MYO5B: variants seen among roughly 807,000 people sequenced by gnomAD.
MYO5B encodes the protein unconventional myosin-Vb.
Under a neutral mutation model 229.3 loss-of-function variants are expected in MYO5B, and 143 were observed. The ratio of observed to expected loss-of-function variants is 0.62; its 90% CI spans 0.54 to 0.72. The LOEUF is 0.72. Ranked by LOEUF, MYO5B falls within the 30% of genes least tolerant of loss-of-function variation. The pLI, the probability that MYO5B is intolerant of heterozygous loss-of-function variation, is 0.00. For synonymous variants in MYO5B, 918 were observed against 885.2 expected, an observed-to-expected ratio of 1.04 and a Z score of -0.66; for missense variants, 2,321 against 2,331.0, an observed-to-expected ratio of 1.00 and a Z score of 0.09.
chr18:49,841,884 T>C, intron 34 of MYO5B, among the ~76,000 whole-genome samples: 1 of 152,174 alleles, frequency 6.6e-6, no homozygotes, highest in East Asian at 1.9e-4. Context: ...CAAAATAGTT[T>C]GGTGTCCCAT....
chr18:50,042,591 G>A (rs531855428), intron 2 of MYO5B, among the ~76,000 whole-genome samples: 9 of 152,304 alleles, frequency 5.9e-5, no homozygotes, highest in South Asian at 4.2e-4. Flanking sequence ...GGGAAATGGC[G>A]AATGTCCGAG....
chr18:50,078,687 A>G (rs1001170346), intron 1 of MYO5B, among the ~76,000 whole-genome samples: 1 of 152,218 alleles, frequency 6.6e-6, no homozygotes, highest in African/African-American at 2.4e-5. Flanking sequence ...AGTATCTGCT[A>G]AAGCTGAGCA....
In MYO5B at chr18:49,904,777, A is replaced by G; in HGVS notation, c.2466T>C (p.His822=). Residue 822 remains histidine, a synonymous_variant, in exon 20 of 40, where the codon CAT becomes CAC. Transcript: ENST00000285039. ...CCTGGCGGGCCCTCTGCATGCGGTA[A>G]TGTTTCTGGAGCACCACAGCCGCTC... The part of the protein sequence containing the change: ...RIRAAVVLQK[H]YRMQRARQAY... 6.2e-7 allele frequency: 1 copy of G among 1,613,988 alleles called. No homozygotes were observed. The highest frequency in any genetic ancestry group is 8.5e-7 in the Non-Finnish European group (1 of 1,180,028).
At chr18:49,973,602 G>C (rs1489330109) in intron 10 of MYO5B, among the ~76,000 whole-genome samples, 1 of 152,196 alleles carries the variant, frequency 6.6e-6, no homozygotes, top group Non-Finnish European at 1.5e-5. Context: ...CCCAGTTCGT[G>C]TTAACTTCAA....
intron 4 of MYO5B, among the ~76,000 whole-genome samples, chr18:50,021,959 C>T (rs901041663): frequency 6.6e-6 from 1 of 152,122 alleles, no homozygotes; most frequent in Non-Finnish European, 1.5e-5. Context: ...CAGGTCAACA[C>T]CTGTTTTACC....
chr18:50,015,492 T>C (rs1280083767), intron 4 of MYO5B, among the ~76,000 whole-genome samples: 1 of 152,266 alleles, frequency 6.6e-6, no homozygotes, highest in African/African-American at 2.4e-5. Context: ...AAGAAGTCCC[T>C]TAACATTTGT....
intron 1 of MYO5B, among the ~76,000 whole-genome samples, chr18:50,169,095 C>G (rs1394014796): frequency 1.2e-4 from 1 of 8,402 alleles, no homozygotes; most frequent in East Asian, 0.5. Flanking sequence ...TGCTTGAGCC[C>G]AAGAATTGAG....
intron 39 of MYO5B, among the ~76,000 whole-genome samples, chr18:49,829,938 A>G (rs193292346): frequency 6.6e-6 from 1 of 152,344 alleles, no homozygotes; most frequent in East Asian, 1.9e-4. Flanking sequence ...GACCATATGT[A>G]AAAACCCCAC....
At chr18:50,128,530 G>A (rs1016427818) in intron 1 of MYO5B, among the ~76,000 whole-genome samples, 1 of 152,214 alleles carries the variant, frequency 6.6e-6, no homozygotes, top group Non-Finnish European at 1.5e-5. Flanking sequence ...CCAGGTAGGA[G>A]AAGACATGTG....
chr18:49,921,789 T>C (rs996756869), intron 17 of MYO5B, among the ~76,000 whole-genome samples: 13 of 152,222 alleles, frequency 8.5e-5, no homozygotes, highest in African/African-American at 2.9e-4. Flanking sequence ...CTCGGGCTCT[T>C]GGGAGCAGCC....
intron 1 of MYO5B, among the ~76,000 whole-genome samples, chr18:50,092,343 T>C (rs2031464346): frequency 6.6e-6 from 1 of 152,120 alleles, no homozygotes. Context: ...AGAATGGGTC[T>C]TGCATTTGAA....
At chr18:50,172,525 G>A (rs892572084) in intron 1 of MYO5B, among the ~76,000 whole-genome samples, 4 of 152,166 alleles carry the variant, frequency 2.6e-5, no homozygotes, top group Non-Finnish European at 5.9e-5. Flanking sequence ...TGCAGTGGGT[G>A]GATGACTCTC....
chr18:49,864,507 G>A, intron 27 of MYO5B, 127 bp from the exon 28 acceptor site: 2 of 1,347,776 alleles, frequency 1.5e-6, no homozygotes, highest in African/African-American at 1.4e-5. Flanking sequence ...GACACACATG[G>A]AAAGTTCTGA....
chr18:50,010,645 G>C (rs1472959584), intron 4 of MYO5B, among the ~76,000 whole-genome samples: 1 of 152,176 alleles, frequency 6.6e-6, no homozygotes, highest in East Asian at 1.9e-4. Context: ...GAAAGCTGCA[G>C]GTTTAGATGA....
At chr18:49,931,504 A>C (rs1050620777) in intron 16 of MYO5B, among the ~76,000 whole-genome samples, 3 of 152,218 alleles carry the variant, frequency 2.0e-5, no homozygotes, top group African/African-American at 7.2e-5. Context: ...TTTCCTTCAG[A>C]AGACTTCATC....
chr18:50,072,381 T>C (rs921184240), intron 1 of MYO5B, among the ~76,000 whole-genome samples: 2 of 152,008 alleles, frequency 1.3e-5, no homozygotes, highest in Non-Finnish European at 2.9e-5. Flanking sequence ...CCCATTTATG[T>C]GGGAGAGAGA....
chr18:50,145,826 T>C (rs1599055339), intron 1 of MYO5B, among the ~76,000 whole-genome samples: 1 of 152,010 alleles, frequency 6.6e-6, no homozygotes, highest in Non-Finnish European at 1.5e-5. Context: ...AAATGGATGG[T>C]TTTCCATTAA....
At chr18:50,103,759 A>T (rs1599022689) in intron 1 of MYO5B, among the ~76,000 whole-genome samples, 1 of 151,998 alleles carries the variant, frequency 6.6e-6, no homozygotes, top group East Asian at 1.9e-4. Context: ...CCCCCACCAA[A>T]ACAAAAAACA....
intron 17 of MYO5B, among the ~76,000 whole-genome samples, chr18:49,922,323 T>G (rs1163452076): frequency 6.6e-6 from 1 of 152,152 alleles, no homozygotes. Context: ...GTGACATCAC[T>G]CCAAATGGTT....
Sources: gnomAD v4.1 joint callset for allele counts (sites outside exome capture counted in the v4.1 genomes callset) on GRCh38, gnomAD v4.1.1 for gene constraint, MANE v1.5 for transcripts, NCBI Gene and HGNC (gene_info 2026-07-23, HGNC 2026-07-21) for gene names.